SPTLC3: variants seen among roughly 807,000 people sequenced by gnomAD.
SPTLC3 encodes serine palmitoyltransferase long chain base subunit 3, also known as serine palmitoyltransferase 3.
SPTLC3 carries 36 observed loss-of-function variants against 59.3 expected under a neutral mutation model. That is an observed-to-expected ratio of 0.61 (90% CI 0.47 to 0.80). SPTLC3 has a LOEUF of 0.80. Ranked by LOEUF, SPTLC3 falls within the 30% of genes least tolerant of loss-of-function variation. The pLI is 0.00. For synonymous variants in SPTLC3, 257 were observed against 240.8 expected, an observed-to-expected ratio of 1.07 and a Z score of -0.62; for missense variants, 625 against 685.1, an observed-to-expected ratio of 0.91 and a Z score of 0.98.
intron 6 of SPTLC3, among the ~76,000 whole-genome samples, chr20:13,103,786 C>T (rs1989718129): frequency 6.6e-6 from 1 of 152,154 alleles, no homozygotes; most frequent in Non-Finnish European, 1.5e-5. Flanking sequence ...CACAGCTGCA[C>T]AAGAGAAGAG....
chr20:13,075,328 A>T (rs1988606744), intron 4 of SPTLC3, among the ~76,000 whole-genome samples: 1 of 152,202 alleles, frequency 6.6e-6, no homozygotes, highest in Admixed American at 6.5e-5. Context: ...TCACCAGGTC[A>T]GTTAGGTCTG....
chr20:13,142,329 G>A (rs1429574512), intron 9 of SPTLC3, among the ~76,000 whole-genome samples: 2 of 152,184 alleles, frequency 1.3e-5, no homozygotes, highest in Non-Finnish European at 2.9e-5. Flanking sequence ...TCCTCTGTGT[G>A]GTTGGACCCT....
intron 9 of SPTLC3, among the ~76,000 whole-genome samples, chr20:13,147,938 G>A (rs965467383): frequency 1.3e-5 from 2 of 152,358 alleles, no homozygotes; most frequent in Admixed American, 1.3e-4. Context: ...TGCAAAGTCT[G>A]CAGAAAATAG....
chr20:13,125,883 C>T (rs1045254266), intron 8 of SPTLC3, among the ~76,000 whole-genome samples: 3 of 152,190 alleles, frequency 2.0e-5, no homozygotes, highest in African/African-American at 4.8e-5. Flanking sequence ...GAAGCAACTG[C>T]GAAGTTGGAT....
chr20:13,027,641 GCACACACACACACA>G (rs57913044), intron 1 of SPTLC3, among the ~76,000 whole-genome samples: 16 of 144,138 alleles, frequency 1.1e-4, no homozygotes, highest in African/African-American at 2.6e-4. Flanking sequence ...ATTTCAGCAC[GCACACACACACACA>G]CACACACACA....
At chr20:13,020,057 T>C (rs1985788302) in intron 1 of SPTLC3, among the ~76,000 whole-genome samples, 1 of 152,204 alleles carries the variant, frequency 6.6e-6, no homozygotes, top group Non-Finnish European at 1.5e-5. Context: ...AACTAGGCTA[T>C]TTCTGCACTT....
Position 13,009,195 on chromosome 20 carries a change from T to C in SPTLC3, c.-73T>C. On this transcript the variant is annotated 5_prime_UTR_variant, in exon 1 of 12. Transcript: ENST00000399002. ...CCCCAAAGAGCTTTATCCCATCCCC[T>C]CGCAGACTGAAAACTAAAGCCTGCA... is the stretch of plus-strand genomic sequence containing the variant. The C allele has an allele frequency of 8.1e-7, 1 of 1,239,166 alleles. No homozygotes were observed. Among genetic ancestry groups the C allele is most frequent in the Admixed American group, 1.8e-5 (1 of 54,856 alleles). The allele number at this position is 1,239,166 out of a possible 1,614,324, so 76.8% of individuals were successfully genotyped here. A position where few individuals can be genotyped will look rare whatever the true frequency, so the allele number is the denominator to read the frequency against.
At chr20:13,079,381 T>C (rs1988760272) in intron 4 of SPTLC3, among the ~76,000 whole-genome samples, 2 of 152,142 alleles carry the variant, frequency 1.3e-5, no homozygotes, top group Non-Finnish European at 2.9e-5. Context: ...TGGTTGGTCA[T>C]ATAAGAGAAG....
intron 1 of SPTLC3, among the ~76,000 whole-genome samples, chr20:13,042,251 A>G (rs1987017028): frequency 6.6e-6 from 1 of 152,184 alleles, no homozygotes; most frequent in Non-Finnish European, 1.5e-5. Context: ...TTTCCAGAGC[A>G]CCCTTTAATC....
intron 1 of SPTLC3, among the ~76,000 whole-genome samples, chr20:13,029,571 A>G (rs1037654734): frequency 2.0e-5 from 3 of 152,184 alleles, no homozygotes; most frequent in Non-Finnish European, 4.4e-5. Context: ...ATATTATTAG[A>G]CTTTTTGGAA....
Position 13,072,387 on chromosome 20 carries a change from A to C in SPTLC3, c.435A>C (p.Ser145=). ...TGTTTGATTTGATGGAGAGGGTATC[A>C]GACGACTATAACTGGACGTTTAGGT... ...GPLFDLMERV[S]DDYNWTFRFT... The change falls in exon 3 of 12, where the codon TCA becomes TCC. Residue 145 remains serine (S), a synonymous_variant. Transcript: ENST00000399002. The C allele has an allele frequency of 1.2e-6, 2 of 1,607,474 alleles. No individual in the cohort carries two copies. Among genetic ancestry groups the C allele is most frequent in the Non-Finnish European group, 1.7e-6 (2 of 1,177,590 alleles).
intron 5 of SPTLC3, 63 bp from the exon 6 acceptor site, chr20:13,093,421 A>G: frequency 6.8e-7 from 1 of 1,472,304 alleles, no homozygotes; most frequent in Non-Finnish European, 9.4e-7. Context: ...TCCTGTCCCC[A>G]CAAGTTGTTT....
At chr20:13,046,555 G>A (rs2122491185) in intron 1 of SPTLC3, among the ~76,000 whole-genome samples, 1 of 152,262 alleles carries the variant, frequency 6.6e-6, no homozygotes, top group South Asian at 2.1e-4. Flanking sequence ...CAGCAAGGAA[G>A]CCAATTTTGT....
intron 6 of SPTLC3, among the ~76,000 whole-genome samples, chr20:13,095,179 G>A (rs999765689): frequency 1.3e-4 from 20 of 152,196 alleles, no homozygotes; most frequent in African/African-American, 4.8e-4. Context: ...GATGATTGCT[G>A]ATCAAAGGCT....
intron 1 of SPTLC3, among the ~76,000 whole-genome samples, chr20:13,044,774 G>A (rs1480877292): frequency 3.3e-5 from 5 of 152,006 alleles, no homozygotes; most frequent in South Asian, 2.1e-4. Flanking sequence ...TTGAGGCCTC[G>A]AAAAATTAAG....
intron 1 of SPTLC3, among the ~76,000 whole-genome samples, chr20:13,037,610 A>G (rs951088236): frequency 6.6e-6 from 1 of 152,192 alleles, no homozygotes; most frequent in Non-Finnish European, 1.5e-5. Context: ...ATAACTATGA[A>G]TGAAATGTGA....
intron 2 of SPTLC3, among the ~76,000 whole-genome samples, chr20:13,061,823 C>T (rs541172155): frequency 1.3e-5 from 2 of 152,170 alleles, no homozygotes; most frequent in Non-Finnish European, 2.9e-5. Flanking sequence ...CCCTTGAACC[C>T]AACAGTCTCT....
At chr20:13,024,097 A>T (rs1472620310) in intron 1 of SPTLC3, among the ~76,000 whole-genome samples, 2 of 152,064 alleles carry the variant, frequency 1.3e-5, no homozygotes, top group Non-Finnish European at 2.9e-5. Flanking sequence ...ACAAAAACCA[A>T]CTCCGTTGAC....
At chr20:13,086,165 T>G (rs1488728787) in intron 4 of SPTLC3, among the ~76,000 whole-genome samples, 1 of 152,222 alleles carries the variant, frequency 6.6e-6, no homozygotes, top group Non-Finnish European at 1.5e-5. Flanking sequence ...GTACTTGATT[T>G]CTAGAATTAC....
Sources: allele counts gnomAD v4.1 joint callset (sites outside exome capture counted in the v4.1 genomes callset), GRCh38; gene constraint gnomAD v4.1.1; transcripts MANE v1.5; gene names NCBI Gene and HGNC (gene_info 2026-07-23, HGNC 2026-07-21).